Variants in CCSER1 observed in about 807,000 individuals in gnomAD.
CCSER1 encodes serine-rich coiled-coil domain-containing protein 1.
In CCSER1, 41 loss-of-function variants were observed where a neutral mutation model predicts 82.0. That is an observed-to-expected ratio of 0.50 (90% CI 0.39 to 0.65). CCSER1 has a LOEUF of 0.65. Ranked by LOEUF, CCSER1 falls within the 30% of genes least tolerant of loss-of-function variation. The probability of loss-of-function intolerance (pLI) is 0.00; values close to 1 mark genes in which losing one functional copy is unlikely to be tolerated. For missense variants in CCSER1, 1,119 were observed against 1,064.2 expected (o/e 1.05, Z -0.72); for synonymous variants, 414 against 383.9 (o/e 1.08, Z -0.92).
chr4:90,764,093 G>A (rs1389097452), intron 7 of CCSER1, among the ~76,000 whole-genome samples: 1 of 152,104 alleles, frequency 6.6e-6, no homozygotes, highest in East Asian at 1.9e-4. Flanking sequence ...ACCAGGTTGT[G>A]TTCTCCTGTA....
At chr4:90,790,741 C>T (rs1755115546) in intron 7 of CCSER1, among the ~76,000 whole-genome samples, 1 of 152,160 alleles carries the variant, frequency 6.6e-6, no homozygotes, top group South Asian at 2.1e-4. Context: ...TTCAACAAGT[C>T]TCTAGGAAGT....
intron 6 of CCSER1, among the ~76,000 whole-genome samples, chr4:90,671,250 TC>T (rs1732750753): frequency 2.0e-5 from 3 of 152,118 alleles, no homozygotes; most frequent in Middle Eastern, 3.4e-3. Context: ...AATTGACTCT[TC>T]CATTCATAAA....
intron 10 of CCSER1, among the ~76,000 whole-genome samples, chr4:91,545,682 TTTTG>T (rs1167818838): frequency 3.9e-5 from 6 of 152,154 alleles, no homozygotes; most frequent in South Asian, 2.1e-4. Flanking sequence ...GAAGGGCTTC[TTTTG>T]TTTATTTTTT....
At chr4:90,732,053 C>CTG (rs1744845388) in intron 7 of CCSER1, among the ~76,000 whole-genome samples, 1 of 151,352 alleles carries the variant, frequency 6.6e-6, no homozygotes, top group African/African-American at 2.4e-5. Flanking sequence ...CTCTCTCTCT[C>CTG]TCTCTCTCAC....
chr4:91,384,853 C>A (rs1578328765), intron 10 of CCSER1, among the ~76,000 whole-genome samples: 2 of 152,118 alleles, frequency 1.3e-5, no homozygotes, highest in East Asian at 1.9e-4. Flanking sequence ...AGAGATTCAA[C>A]TTTAAATGAT....
intron 3 of CCSER1, among the ~76,000 whole-genome samples, chr4:90,364,419 T>G (rs1159214290): frequency 6.6e-6 from 1 of 152,050 alleles, no homozygotes; most frequent in East Asian, 1.9e-4. Flanking sequence ...ATCACTAAAA[T>G]TGATGGTGTT....
At chr4:91,569,845 T>C (rs1763081975) in intron 10 of CCSER1, among the ~76,000 whole-genome samples, 1 of 152,152 alleles carries the variant, frequency 6.6e-6, no homozygotes, top group African/African-American at 2.4e-5. Context: ...TAATAATGCC[T>C]TTCTAACAGT....
intron 10 of CCSER1, among the ~76,000 whole-genome samples, chr4:91,148,306 AG>A (rs745784869): frequency 6.6e-6 from 1 of 152,088 alleles, no homozygotes; most frequent in Non-Finnish European, 1.5e-5. Context: ...ATTGAACAAA[AG>A]TTCATTGAGC....
chr4:90,326,389 C>A (rs930519859), intron 3 of CCSER1, among the ~76,000 whole-genome samples: 2 of 151,972 alleles, frequency 1.3e-5, no homozygotes, highest in African/African-American at 4.8e-5. Flanking sequence ...CTAGCCGTTT[C>A]TAAATTAGAG....
chr4:91,361,083 G>T (rs1366311139), intron 10 of CCSER1, among the ~76,000 whole-genome samples: 2 of 142,900 alleles, frequency 1.4e-5, no homozygotes, highest in Non-Finnish European at 3.2e-5. Context: ...TATCACAGAG[G>T]GGGAGGAAAT....
chr4:91,521,404 A>T (rs1375417561), intron 10 of CCSER1, among the ~76,000 whole-genome samples: 2 of 152,286 alleles, frequency 1.3e-5, no homozygotes, highest in East Asian at 3.9e-4. Flanking sequence ...CAGTAATGGG[A>T]TCACTGGGTC....
At position 90,551,706 on chromosome 4, in the gene CCSER1, C is replaced by CTCTCTCTCTATATATATA; in HGVS notation, c.1725-76318_1725-76317insCTCTCTCTATATATATAT. 1.0e-3 allele frequency among the ~76,000 whole-genome samples: 109 copies of CTCTCTCTCTATATATATA among 104,222 alleles called. 2 individuals carry two copies. Among genetic ancestry groups the CTCTCTCTCTATATATATA allele is most frequent in the African/African-American group, 3.5e-3 (77 of 21,926 alleles). 68.4% of individuals were successfully genotyped at this position (104,222 alleles called of 152,430 possible). A position where few individuals can be genotyped will look rare whatever the true frequency, so the allele number is the denominator to read the frequency against. On this transcript the variant is annotated intron_variant, in intron 5 of 10. Transcript: ENST00000509176. ...TCTCTCTCTCTCTCTCTCTCTCTCT[C>CTCTCTCTCTATATATATA]TATATATATATATATATATATGTAA...
At position 90,485,529 on chromosome 4, in the gene CCSER1, C is replaced by G. The variant is rs918990387; in HGVS notation, c.1724+17175C>G. 2.7e-5 allele frequency among the ~76,000 whole-genome samples: 4 copies of G among 150,474 alleles called. No homozygotes were observed. The Admixed American group carries it at 2.7e-4, about 10-fold the overall frequency. ...GCCATCTTGGCTCCACCCCCCCCCC[C>G]CAATTTAACTTTTATTTAAAGTTTA... On this transcript the variant is annotated intron_variant, in intron 5 of 10. Coordinates refer to ENST00000509176, the MANE Select transcript of CCSER1 (RefSeq NM_001145065.2).
At chr4:91,378,319 G>C (rs1197087474) in intron 10 of CCSER1, among the ~76,000 whole-genome samples, 1 of 152,144 alleles carries the variant, frequency 6.6e-6, no homozygotes, top group Non-Finnish European at 1.5e-5. Context: ...GGATGGCATT[G>C]AATCTATAAA....
rs143206179 is a variant in CCSER1 at position 91,288,465 on chromosome 4, A to G, written c.2217+202471A>G. Among the ~76,000 whole-genome samples the G allele has an allele frequency of 3.4e-3, 523 of 152,114 alleles. 3 individuals are homozygous for G. The highest frequency in any genetic ancestry group is 0.012 in the African/African-American group (497 of 41,530). On this transcript the variant is annotated intron_variant, in intron 10 of 10. Coordinates refer to ENST00000509176, the MANE Select transcript of CCSER1 (RefSeq NM_001145065.2). The stretch of plus-strand genomic sequence containing the variant: ...CAACAACAAAAAGGTTAATGAATCA[A>G]TGAGTCAAGTGTGAGATAGGAAGGA...
chr4:91,569,711 C>T (rs7670961), intron 10 of CCSER1, among the ~76,000 whole-genome samples: 81,485 of 151,800 alleles, frequency 0.54, 22,065 homozygotes, highest in East Asian at 0.63. Flanking sequence ...CACCAGGTCC[C>T]CCCCAAAAAA....
intron 6 of CCSER1, among the ~76,000 whole-genome samples, chr4:90,703,638 T>C (rs1180926532): frequency 6.6e-6 from 1 of 152,198 alleles, no homozygotes; most frequent in East Asian, 1.9e-4. Context: ...AAGGACTTCC[T>C]TTATGAATCT....
chr4:90,199,317 T>G (rs984406798), intron 1 of CCSER1, among the ~76,000 whole-genome samples: 1 of 152,202 alleles, frequency 6.6e-6, no homozygotes, highest in African/African-American at 2.4e-5. Context: ...CAGGCTATAA[T>G]GGGCCTCTAC....
At position 91,412,014 on chromosome 4, in the gene CCSER1, A is replaced by G. The variant is rs1753081304; in HGVS notation, c.2218-186558A>G. Among the ~76,000 whole-genome samples the G allele has an allele frequency of 2.6e-5, 4 of 152,234 alleles. No individual in the cohort carries two copies. The South Asian group carries it at 8.3e-4, about 32-fold the overall frequency. On this transcript the variant is annotated intron_variant, in intron 10 of 10. Transcript: ENST00000509176. ...CAGGGTTAGGAGGTTCTCCACTTGT[A>G]TCTCTTCACAGCAACAATAATTTTG...
Sources: allele counts gnomAD v4.1 joint callset (sites outside exome capture counted in the v4.1 genomes callset), GRCh38; gene constraint gnomAD v4.1.1; transcripts MANE v1.5; gene names NCBI Gene and HGNC (gene_info 2026-07-23, HGNC 2026-07-21).